The following TTF1 variants were observed in gnomAD, a reference collection of about 807,000 sequenced individuals.
TTF1 encodes the protein transcription termination factor 1, also known as transcription termination factor, RNA polymerase I.
Under a neutral mutation model 80.2 loss-of-function variants are expected in TTF1, and 64 were observed. The ratio of observed to expected loss-of-function variants is 0.80; its 90% CI spans 0.65 to 0.98. TTF1 has a LOEUF of 0.98. TTF1 is among the 50% of genes least tolerant of loss of function. The probability of loss-of-function intolerance (pLI) is 0.00; values close to 1 mark genes in which losing one functional copy is unlikely to be tolerated. For missense variants in TTF1, 1,023 were observed against 1,086.2 expected (o/e 0.94, Z 0.82); for synonymous variants, 372 against 382.7 (o/e 0.97, Z 0.33).
rs1264205380 is a variant in TTF1 at position 132,401,583 on chromosome 9, G to A, written c.1239C>T (p.Asn413=). 1.2e-6 allele frequency: 2 copies of A among 1,614,102 alleles called. No homozygotes were observed. Among genetic ancestry groups the A allele is most frequent in the East Asian group, 2.2e-5 (1 of 44,872 alleles). ...SGDDFSVPSK[N]SESTLFDSVE... ...CTGAATCAAAGAGTGTGCTCTCAGA[G>A]TTCTTACTGGGCACTGAAAAATCAT... The change falls in exon 2 of 11, where the codon AAC becomes AAT. Residue 413 remains asparagine (N), a synonymous_variant. Coordinates refer to ENST00000334270, the MANE Select transcript of TTF1 (RefSeq NM_007344.4).
In TTF1 at chr9:132,403,453, C is replaced by T. The variant is rs144507368; in HGVS notation, c.-7-625G>A. Among the ~76,000 whole-genome samples, 551 of 152,180 alleles carry T rather than the reference C, an allele frequency of 3.6e-3. 3 individuals carry two copies. The highest frequency in any genetic ancestry group is 0.013 in the African/African-American group (526 of 41,516). Reference sequence around the variant, plus strand: ...AAGCAGCTTGTTTTGCTTCCTCAAACGTGCCATAACCTTTCCCCCCCAGCT... The same window carrying T: ...AAGCAGCTTGTTTTGCTTCCTCAAATGTGCCATAACCTTTCCCCCCCAGCT... On this transcript the variant is annotated intron_variant, in intron 1 of 10. Transcript: ENST00000334270.
chr9:132,392,332 C>T, intron 5 of TTF1, 126 bp from the exon 6 acceptor site: 2 of 1,101,828 alleles, frequency 1.8e-6, no homozygotes, highest in African/African-American at 1.6e-5. Context: ...AACCCGGTCA[C>T]AGCCCTCTTC....
At chr9:132,403,150 T>C (rs1402288654) in intron 1 of TTF1, among the ~76,000 whole-genome samples, 1 of 152,190 alleles carries the variant, frequency 6.6e-6, no homozygotes, top group Admixed American at 6.5e-5. Context: ...TCAGCCACCG[T>C]GCCTGGCCTA....
intron 2 of TTF1, 89 bp downstream of exon 2, chr9:132,401,366 T>G: frequency 8.5e-7 from 1 of 1,170,210 alleles, no homozygotes; most frequent in Non-Finnish European, 1.1e-6. Flanking sequence ...AAATTAAAAA[T>G]AAAAAAAAGT....
In TTF1 at chr9:132,402,673, G is replaced by C. The variant is rs1390636180; in HGVS notation, c.149C>G (p.Thr50Ser). 6.2e-7 allele frequency: 1 copy of C among 1,613,548 alleles called. No homozygotes were observed. The highest frequency in any genetic ancestry group is 2.2e-5 in the East Asian group (1 of 44,892). ...SSLVNEQSQI[T>S]RRKKRKKDFQ... ...ATCTTTTTTCCTCTTTTTCCTCCTA[G>C]TTATTTGAGACTGTTCATTCACCAG... Residue 50 changes from threonine (T) to serine (S), a missense_variant, in exon 2 of 11, where the codon ACT (threonine) becomes AGT (serine). Thr to Ser is a moderately conservative substitution (Grantham distance 58). Coordinates refer to ENST00000334270, the MANE Select transcript of TTF1 (RefSeq NM_007344.4).
intron 1 of TTF1, among the ~76,000 whole-genome samples, chr9:132,404,747 T>TC (rs1469882104): frequency 6.6e-6 from 1 of 152,146 alleles, no homozygotes; most frequent in Non-Finnish European, 1.5e-5. Flanking sequence ...TCCTGGTAGC[T>TC]CCCACCCCAC....
At chr9:132,385,516 T>A (rs1849449807) in intron 9 of TTF1, among the ~76,000 whole-genome samples, 1 of 152,108 alleles carries the variant, frequency 6.6e-6, no homozygotes, top group Non-Finnish European at 1.5e-5. Context: ...GGCCACCTGG[T>A]CCCTTTCCAG....
Position 132,402,357 on chromosome 9 carries a change from T to G in TTF1, c.465A>C (p.Lys155Asn). ...FQVLAKSHAH[K>N]SEALHSKVRE... ...TAACTTTACTGTGCAGGGCTTCTGA[T>G]TTATGTGCATGTGACTTAGCAAGTA... Residue 155 changes from lysine to asparagine, a missense_variant, in exon 2 of 11, where the codon AAA becomes AAC. Lys to Asn is a moderately conservative substitution (Grantham distance 94). Coordinates refer to ENST00000334270, the MANE Select transcript of TTF1 (RefSeq NM_007344.4). The G allele has an allele frequency of 6.2e-7, 1 of 1,614,204 alleles. No individual in the cohort carries two copies. The highest frequency in any genetic ancestry group is 1.3e-5 in the African/African-American group (1 of 75,044).
chr9:132,396,306 C>T, intron 5 of TTF1, 127 bp downstream of exon 5: 1 of 919,286 alleles, frequency 1.1e-6, no homozygotes, highest in Non-Finnish European at 1.7e-6. Flanking sequence ...ACAAATACAC[C>T]ACCTGGTTTC....
chr9:132,379,549 C>G (rs968725587), intron 9 of TTF1, among the ~76,000 whole-genome samples: 1 of 152,208 alleles, frequency 6.6e-6, no homozygotes, highest in Non-Finnish European at 1.5e-5. Flanking sequence ...GGAGTTACCA[C>G]TCTCTCCCTC....
chr9:132,390,485 AC>A, intron 7 of TTF1, 111 bp downstream of exon 7: 1 of 997,382 alleles, frequency 1.0e-6, no homozygotes, highest in Non-Finnish European at 1.5e-6. Flanking sequence ...CAGACTAGAC[AC>A]GATTGTTCTT....
chr9:132,400,124 A>G lies in TTF1; in HGVS notation c.1502T>C (p.Phe501Ser). 2.5e-6 allele frequency: 4 copies of G among 1,614,136 alleles called. No homozygotes were observed. The highest frequency in any genetic ancestry group is 3.4e-6 in the Non-Finnish European group (4 of 1,180,020). Residue 501 changes from phenylalanine to serine, a missense_variant, in exon 3 of 11, where the codon TTC becomes TCC. Physicochemically the swap from Phe to Ser is radical, Grantham distance 155. Transcript: ENST00000334270. ...GGCCCTGTCCTTGATGTTAGGAATG[A>G]ACTCCTGAAGCTGTTTCACGGCAGA... Reference protein sequence around the residue: ...LGSAVKQLQEFIPNIKDRATS... With the variant: ...LGSAVKQLQESIPNIKDRATS...
At chr9:132,387,430 T>C (rs1171599840) in intron 8 of TTF1, among the ~76,000 whole-genome samples, 2 of 152,092 alleles carry the variant, frequency 1.3e-5, no homozygotes, top group Non-Finnish European at 1.5e-5. Flanking sequence ...TGGTAATCTA[T>C]GCTGCCTCTC....
In TTF1 at chr9:132,401,595, C is replaced by T; in HGVS notation, c.1227G>A (p.Val409=). ...GTGTGCTCTCAGAGTTCTTACTGGG[C>T]ACTGAAAAATCATCACCAGACACTC... ...RARVSGDDFS[V]PSKNSESTLF... The change falls in exon 2 of 11, where the codon GTG becomes GTA. Residue 409 remains valine (V), a synonymous_variant. Coordinates refer to ENST00000334270, the MANE Select transcript of TTF1 (RefSeq NM_007344.4). 6.2e-7 allele frequency: 1 copy of T among 1,614,132 alleles called. No individual in the cohort carries two copies. The highest frequency in any genetic ancestry group is 8.5e-7 in the Non-Finnish European group (1 of 1,180,024).
intron 10 of TTF1, among the ~76,000 whole-genome samples, chr9:132,377,777 G>A (rs1849245970): frequency 2.1e-5 from 3 of 142,598 alleles, no homozygotes; most frequent in Admixed American, 1.4e-4. Flanking sequence ...CATGTGGTGT[G>A]TGTGAGTGCA....
chr9:132,378,080 T>G (rs541356379), intron 10 of TTF1, among the ~76,000 whole-genome samples: 10 of 123,486 alleles, frequency 8.1e-5, no homozygotes, highest in African/African-American at 2.9e-4. Flanking sequence ...GTGGTGTGTG[T>G]GAGTGCATGT....
At position 132,375,984 on chromosome 9, in the gene TTF1, G is replaced by A. The variant is rs1395254171; in HGVS notation, c.2649C>T (p.Gly883=). 21 of 1,613,560 alleles carry A rather than the reference G, an allele frequency of 1.3e-5. No individual in the cohort carries two copies. The highest frequency in any genetic ancestry group is 1.8e-5 in the Non-Finnish European group (21 of 1,179,892). Residue 883 remains glycine (G), a synonymous_variant, in exon 11 of 11, where the codon GGC becomes GGT. Coordinates refer to ENST00000334270, the MANE Select transcript of TTF1 (RefSeq NM_007344.4). ...EGEDIEKESE[G]QAPCMAHACN... Reference sequence around the variant, plus strand: ...AGGCGTGAGCCATGCATGGCGCCTGGCCTTCGCTTTCTTTTTCTATGTCCT... The same window carrying A: ...AGGCGTGAGCCATGCATGGCGCCTGACCTTCGCTTTCTTTTTCTATGTCCT...
rs761867245 is a variant in TTF1 at position 132,398,242 on chromosome 9, C to T, written c.1676G>A (p.Gly559Asp). Residue 559 changes from glycine to aspartate, a missense_variant, in exon 4 of 11, where the codon GGC becomes GAC. Gly to Asp is a moderately conservative substitution (Grantham distance 94). Coordinates refer to ENST00000334270, the MANE Select transcript of TTF1 (RefSeq NM_007344.4). ...CAGCAGCTTGTCTGCACTCTCAATGCCTGTCAGGGCTAGAAAGTCTTCCAC... is the reference window on the plus strand; with the variant it reads ...CAGCAGCTTGTCTGCACTCTCAATGTCTGTCAGGGCTAGAAAGTCTTCCAC... ...KNVEDFLALT[G>D]IESADKLLYT... 22 of 1,607,756 alleles carry T rather than the reference C, an allele frequency of 1.4e-5. No homozygotes were observed. The East Asian group carries it at 4.7e-4, about 34-fold the overall frequency.
At chr9:132,393,894 C>T (rs1313199138) in intron 5 of TTF1, among the ~76,000 whole-genome samples, 1 of 151,990 alleles carries the variant, frequency 6.6e-6, no homozygotes. Flanking sequence ...TTTATGTCAT[C>T]ACTAAGAAGT....
Sources: allele counts gnomAD v4.1 joint callset (sites outside exome capture counted in the v4.1 genomes callset), GRCh38; gene constraint gnomAD v4.1.1; transcripts MANE v1.5; gene names NCBI Gene and HGNC (gene_info 2026-07-23, HGNC 2026-07-21).